BLTP3A: variants seen among roughly 807,000 people sequenced by gnomAD.
BLTP3A encodes bridge-like lipid transfer protein family member 3A, also known as ICBP90 binding protein 1.
At chr6:34,862,288 A>G in the BLTP3A span, among the ~76,000 whole-genome samples, 1 of 152,102 alleles carries the variant, frequency 6.6e-6, no homozygotes, top group Non-Finnish European at 1.5e-5. Flanking sequence ...AGGCAGGAGA[A>G]TGGCTTGAAC....
the BLTP3A span, among the ~76,000 whole-genome samples, chr6:34,797,289 A>G: frequency 6.6e-6 from 1 of 152,182 alleles, no homozygotes; most frequent in South Asian, 2.1e-4. Flanking sequence ...TGGCTGATAG[A>G]CATGATAGAT....
the BLTP3A span, among the ~76,000 whole-genome samples, chr6:34,817,489 G>A: frequency 6.8e-6 from 1 of 147,396 alleles, no homozygotes; most frequent in Non-Finnish European, 1.5e-5. Flanking sequence ...TGGATGCTGG[G>A]GGAACACACA....
At chr6:34,870,715 T>C in the BLTP3A span, 6 of 1,210,050 alleles carry the variant, frequency 5.0e-6, no homozygotes, top group Non-Finnish European at 5.6e-6. Context: ...TTGGGCAAGT[T>C]ATTCTCTGTG....
chr6:34,796,039 G>A, the BLTP3A span, among the ~76,000 whole-genome samples: 1 of 152,172 alleles, frequency 6.6e-6, no homozygotes, highest in Non-Finnish European at 1.5e-5. Context: ...AGCCTGCCTG[G>A]GGAGGAACTA....
chr6:34,859,565 C>T, the BLTP3A span: 1 of 1,613,720 alleles, frequency 6.2e-7, no homozygotes. Context: ...TCCCTGCCCC[C>T]AGCCAAGTAA....
chr6:34,873,917 A>C, the BLTP3A span: 4 of 152,514 alleles, frequency 2.6e-5, no homozygotes, highest in Non-Finnish European at 4.4e-5. Flanking sequence ...TCAACACTTC[A>C]TTTGACTAGA....
the BLTP3A span, chr6:34,821,438 TTGTTCTGGCTGG>T: frequency 2.0e-6 from 1 of 508,958 alleles, no homozygotes; most frequent in African/African-American, 1.9e-5. Context: ...CTGAGTGCAT[TTGTTCTGGCTGG>T]TCTGAGTGCA....
chr6:34,826,357 CTTTT>C, the BLTP3A span, among the ~76,000 whole-genome samples: 41 of 135,414 alleles, frequency 3.0e-4, no homozygotes, highest in Non-Finnish European at 3.4e-4. Context: ...TTACATCCTA[CTTTT>C]TTTTTTTTTT....
the BLTP3A span, among the ~76,000 whole-genome samples, chr6:34,803,244 A>AT: frequency 6.6e-6 from 1 of 152,056 alleles, no homozygotes. Flanking sequence ...AAAAAAAAAA[A>AT]AGGAATTGAG....
the BLTP3A span, chr6:34,864,103 C>T: frequency 1.9e-6 from 3 of 1,613,978 alleles, no homozygotes; most frequent in Non-Finnish European, 2.5e-6. Flanking sequence ...TCTCAACAGT[C>T]ATTTGATGGT....
the BLTP3A span, chr6:34,858,326 G>T: frequency 1.2e-6 from 2 of 1,614,116 alleles, no homozygotes; most frequent in Non-Finnish European, 8.5e-7. Flanking sequence ...GTTCCAGGTG[G>T]CTTTAGCCTT....
At chr6:34,858,821 C>G in the BLTP3A span, 76 of 1,614,008 alleles carry the variant, frequency 4.7e-5, 1 homozygote, top group Non-Finnish European at 6.8e-6. Flanking sequence ...CTTGTACATT[C>G]CCCGGCCCAT....
the BLTP3A span, among the ~76,000 whole-genome samples, chr6:34,797,194 C>T: frequency 6.6e-5 from 10 of 152,086 alleles, no homozygotes; most frequent in Admixed American, 3.3e-4. Flanking sequence ...GACAGAAACC[C>T]GGCTAGCTCT....
At chr6:34,842,246 A>G in the BLTP3A span, among the ~76,000 whole-genome samples, 5 of 152,346 alleles carry the variant, frequency 3.3e-5, no homozygotes, top group South Asian at 1.0e-3. Context: ...AACAGGTGAA[A>G]ATTGGCTCTT....
the BLTP3A span, chr6:34,821,732 G>A: frequency 6.2e-7 from 1 of 1,614,156 alleles, no homozygotes; most frequent in Non-Finnish European, 8.5e-7. Flanking sequence ...CCTGGAGCTG[G>A]ATGAAGAGGT....
chr6:34,836,321 T>G, the BLTP3A span: 1 of 1,614,132 alleles, frequency 6.2e-7, no homozygotes, highest in Non-Finnish European at 8.5e-7. Flanking sequence ...CCTGCACATT[T>G]GTGATGATAG....
At chr6:34,833,573 A>G in the BLTP3A span, among the ~76,000 whole-genome samples, 1 of 152,100 alleles carries the variant, frequency 6.6e-6, no homozygotes, top group Non-Finnish European at 1.5e-5. Context: ...TCTTTCTAAC[A>G]GGAGGGAGAT....
chr6:34,844,630 C>T, the BLTP3A span, among the ~76,000 whole-genome samples: 1 of 152,182 alleles, frequency 6.6e-6, no homozygotes, highest in African/African-American at 2.4e-5. Flanking sequence ...AGCACTTTTT[C>T]ATATGCCTGT....
the BLTP3A span, among the ~76,000 whole-genome samples, chr6:34,796,898 T>C: frequency 2.0e-5 from 3 of 152,076 alleles, no homozygotes; most frequent in African/African-American, 7.2e-5. Context: ...AGAGATGGGG[T>C]TTCATCATGT....
Sources: gnomAD v4.1 joint callset for allele counts (sites outside exome capture counted in the v4.1 genomes callset) on GRCh38, gnomAD v4.1.1 for gene constraint, MANE v1.5 for transcripts, NCBI Gene and HGNC (gene_info 2026-07-23, HGNC 2026-07-21) for gene names.